MAPT: variants seen among roughly 807,000 people sequenced by gnomAD.
MAPT encodes the protein microtubule associated protein tau.
Under a neutral mutation model 67.9 loss-of-function variants are expected in MAPT, and 34 were observed. The ratio of observed to expected loss-of-function variants is 0.50; its 90% CI spans 0.38 to 0.67. The LOEUF is 0.67. Among genes scored for constraint, MAPT ranks in the 30% least tolerant of loss-of-function variants. The pLI is 0.00. For missense variants in MAPT, 881 were observed against 1,115.2 expected (o/e 0.79, Z 2.99); for synonymous variants, 456 against 464.5 (o/e 0.98, Z 0.23).
intron 3 of MAPT, chr17:45,974,832 G>A (rs1037978026): frequency 1.9e-5 from 6 of 314,968 alleles, no homozygotes; most frequent in Non-Finnish European, 3.1e-5. Flanking sequence ...TGCTCAGACT[G>A]CCCAGCACAG....
chr17:45,914,888 A>AT (rs887742506), intron 1 of MAPT, among the ~76,000 whole-genome samples: 1 of 150,806 alleles, frequency 6.6e-6, no homozygotes, highest in Non-Finnish European at 1.5e-5. Context: ...GTGCCCAGCT[A>AT]TTTTTTTTAA....
At chr17:45,929,766 T>C (rs1205373497) in intron 1 of MAPT, among the ~76,000 whole-genome samples, 1 of 152,266 alleles carries the variant, frequency 6.6e-6, no homozygotes, top group Non-Finnish European at 1.5e-5. Context: ...AGTTTTCTAC[T>C]TCTGAAGTAT....
At chr17:45,968,275 C>G (rs1309024982) in intron 2 of MAPT, among the ~76,000 whole-genome samples, 2 of 152,200 alleles carry the variant, frequency 1.3e-5, no homozygotes, top group East Asian at 1.9e-4. Context: ...TTCAGAAAGG[C>G]CCCTGGAAAA....
intron 1 of MAPT, among the ~76,000 whole-genome samples, chr17:45,947,398 T>G (rs1358171838): frequency 6.6e-6 from 1 of 151,098 alleles, no homozygotes; most frequent in Non-Finnish European, 1.5e-5. Context: ...TTTTTTTTTT[T>G]TTCCTCAGGC....
intron 1 of MAPT, among the ~76,000 whole-genome samples, chr17:45,925,336 C>T (rs1161181579): frequency 1.3e-5 from 2 of 152,230 alleles, no homozygotes; most frequent in African/African-American, 4.8e-5. Flanking sequence ...TTTCTCTGTG[C>T]CCCTTGGTCC....
intron 1 of MAPT, among the ~76,000 whole-genome samples, chr17:45,926,073 T>C (rs1366490929): frequency 6.6e-6 from 1 of 151,990 alleles, no homozygotes; most frequent in Non-Finnish European, 1.5e-5. Flanking sequence ...TAGCCATGTG[T>C]GGTGGCACAC....
At position 46,026,276 on chromosome 17, in the gene MAPT, T is replaced by C. The variant is rs2076803771; in HGVS notation, c.*2105T>C. The C allele has an allele frequency of 6.6e-6, 1 of 152,620 alleles. No homozygotes were observed. The highest frequency in any genetic ancestry group is 1.5e-5 in the Non-Finnish European group (1 of 68,110). The allele number at this position is 152,620 out of a possible 1,614,324, so 9.5% of individuals were successfully genotyped here. On this transcript the variant is annotated 3_prime_UTR_variant, in exon 13 of 13. Coordinates refer to ENST00000262410, the MANE Select transcript of MAPT (RefSeq NM_001377265.1). ...CTGGGACCCAACAGAGACCAGCTTC[T>C]AGCAGCTAAGGAGGCCGTTCAGCTG... is the stretch of plus-strand genomic sequence containing the variant.
intron 1 of MAPT, among the ~76,000 whole-genome samples, chr17:45,910,412 G>A (rs961384012): frequency 1.3e-5 from 2 of 151,990 alleles, no homozygotes; most frequent in Admixed American, 1.3e-4. Context: ...TAGGGGATTC[G>A]AACCCAGGAT....
chr17:45,927,134 T>TTTTC (rs2066419438), intron 1 of MAPT, among the ~76,000 whole-genome samples: 1 of 151,972 alleles, frequency 6.6e-6, no homozygotes, highest in African/African-American at 2.4e-5. Context: ...TTTGTGCAAC[T>TTTTC]TTTCTTAAGT....
chr17:45,903,096 C>T (rs1020398606), intron 1 of MAPT, among the ~76,000 whole-genome samples: 23 of 152,282 alleles, frequency 1.5e-4, no homozygotes, highest in Admixed American at 1.4e-3. Context: ...AGACCCCTGG[C>T]TCTGTAATTG....
At chr17:45,949,678 G>A (rs941929823) in intron 1 of MAPT, among the ~76,000 whole-genome samples, 1 of 152,162 alleles carries the variant, frequency 6.6e-6, no homozygotes, top group Non-Finnish European at 1.5e-5. Context: ...CCTGAGGGCT[G>A]AAATAAACAT....
intron 1 of MAPT, among the ~76,000 whole-genome samples, chr17:45,927,651 ACC>A: frequency 6.6e-6 from 1 of 151,858 alleles, no homozygotes; most frequent in East Asian, 1.9e-4. Flanking sequence ...AACAAAACAT[ACC>A]CCCTTCAGTC....
At chr17:45,981,844 G>A (rs1448071506) in intron 4 of MAPT, among the ~76,000 whole-genome samples, 4 of 151,922 alleles carry the variant, frequency 2.6e-5, no homozygotes, top group South Asian at 2.1e-4. Flanking sequence ...AGGAGACCCC[G>A]TCTCCACAAA....
At chr17:45,978,092 G>C in intron 3 of MAPT, 2 of 472,650 alleles carry the variant, frequency 4.2e-6, no homozygotes, top group Non-Finnish European at 7.7e-6. Context: ...CTTGTTGAGT[G>C]AGGCATTCAG....
intron 1 of MAPT, among the ~76,000 whole-genome samples, chr17:45,949,883 A>G (rs1175825656): frequency 6.6e-6 from 1 of 152,192 alleles, no homozygotes; most frequent in Non-Finnish European, 1.5e-5. Context: ...ACAGCCCCAG[A>G]TCGTGGGAAA....
At chr17:45,953,198 C>T (rs2069263243) in intron 1 of MAPT, among the ~76,000 whole-genome samples, 1 of 152,226 alleles carries the variant, frequency 6.6e-6, no homozygotes, top group South Asian at 2.1e-4. Context: ...GCGAAGCTGT[C>T]GTTCTTGTGC....
At chr17:46,022,954 T>C (rs1248960954) in intron 12 of MAPT, among the ~76,000 whole-genome samples, 1 of 152,144 alleles carries the variant, frequency 6.6e-6, no homozygotes, top group Non-Finnish European at 1.5e-5. Context: ...CAGTCATCCA[T>C]CCACCCATCC....
chr17:45,914,637 G>T (rs879540513), intron 1 of MAPT, among the ~76,000 whole-genome samples: 12 of 152,192 alleles, frequency 7.9e-5, no homozygotes, highest in South Asian at 6.2e-4. Context: ...GTGGCCTCTG[G>T]TGGGGAGAAA....
At chr17:45,999,242 C>A in intron 9 of MAPT, 6 of 1,593,324 alleles carry the variant, frequency 3.8e-6, no homozygotes, top group Non-Finnish European at 5.1e-6. Context: ...AAACTCTGAC[C>A]ACACTGAGCA....
Sources: allele counts gnomAD v4.1 joint callset (sites outside exome capture counted in the v4.1 genomes callset), GRCh38; gene constraint gnomAD v4.1.1; transcripts MANE v1.5; gene names NCBI Gene and HGNC (gene_info 2026-07-23, HGNC 2026-07-21).